GABBR1: variants seen among roughly 807,000 people sequenced by gnomAD.
GABBR1 encodes gamma-aminobutyric acid type B receptor subunit 1, also known as GABA-B receptor, R1 subunit.
Under a neutral mutation model 117.7 loss-of-function variants are expected in GABBR1, and 35 were observed. The ratio of observed to expected loss-of-function variants is 0.30; its 90% CI spans 0.23 to 0.39. The LOEUF is 0.39. Among genes scored for constraint, GABBR1 ranks in the 10% least tolerant of loss-of-function variants. The probability of loss-of-function intolerance (pLI) is 1.00; values close to 1 mark genes in which losing one functional copy is unlikely to be tolerated. For synonymous variants in GABBR1, 442 were observed against 486.6 expected (o/e 0.91, Z 1.21); for missense variants, 709 against 1,241.8 (o/e 0.57, Z 6.45).
In GABBR1 at chr6:29,605,455, T is replaced by A; in HGVS notation, c.2439+114A>T. 3.8e-6 allele frequency: 5 copies of A among 1,314,708 alleles called. No individual in the cohort carries two copies. Among genetic ancestry groups the A allele is most frequent in the Non-Finnish European group, 5.2e-6 (5 of 952,916 alleles). The allele number at this position is 1,314,708 out of a possible 1,614,324, so 81.4% of individuals were successfully genotyped here. ...TTATAGACCTGAAGAATTAACAAAC[T>A]TTTTAAGACTTCTAAGCAACCGATC... On this transcript the variant is annotated intron_variant, in intron 20 of 22. Transcript: ENST00000377034. This position sits in a 1 kb window ranked among gnomAD's most constrained non-coding sequence, Gnocchi z 4.2.
At position 29,610,992 on chromosome 6, in the gene GABBR1, T is replaced by C; in HGVS notation, c.1640A>G (p.Tyr547Cys). 1 of 1,612,948 alleles carries C rather than the reference T, an allele frequency of 6.2e-7. No homozygotes were observed. The highest frequency in any genetic ancestry group is 8.5e-7 in the Non-Finnish European group (1 of 1,179,904). Residue 547 changes from tyrosine (Y) to cysteine (C), a missense_variant, in exon 14 of 23, where the codon TAC becomes TGC. Tyr to Cys is a radical substitution (Grantham distance 194). Transcript: ENST00000377034. ...TLIEQLQGGSYKKIGYYDSTK... is the reference protein window; with the variant it reads ...TLIEQLQGGSCKKIGYYDSTK... ...GCTGTCATAGTAGCCAATCTTCTTG[T>C]AGCTGCCACCTGGGCAGACGACAAT...
At position 29,623,537 on chromosome 6, in the gene GABBR1, A is replaced by G; in HGVS notation, c.793-62T>C. On this transcript the variant is annotated intron_variant, in intron 7 of 22. Transcript: ENST00000377034. The surrounding 1 kb of genome is among the most constrained non-coding windows in gnomAD (Gnocchi z 6.2). ...TCACTGAGGACACCAAGAGTGGCCA[A>G]GAGTTCCTTTAACCCTCTTCCTGCC... The G allele has an allele frequency of 6.5e-7, 1 of 1,531,312 alleles. No homozygotes were observed. Among genetic ancestry groups the G allele is most frequent in the Admixed American group, 1.8e-5 (1 of 56,984 alleles). 94.9% of individuals were successfully genotyped at this position (1,531,312 alleles called of 1,614,324 possible).
chr6:29,613,111 T>A lies in GABBR1; in HGVS notation c.1566+132A>T. ...TTCTTCTAATTTGAAGGTCCCTACT[T>A]CTCTGGTCGGAGACTGATTCTGCAA... On this transcript the variant is annotated intron_variant, in intron 12 of 22. Coordinates refer to ENST00000377034, the MANE Select transcript of GABBR1 (RefSeq NM_001470.4). The surrounding 1 kb of genome is among the most constrained non-coding windows in gnomAD (Gnocchi z 4.1). 2.0e-6 allele frequency: 2 copies of A among 995,522 alleles called. No individual in the cohort carries two copies. The highest frequency in any genetic ancestry group is 3.0e-6 in the Non-Finnish European group (2 of 660,596). 61.7% of individuals were successfully genotyped at this position (995,522 alleles called of 1,614,324 possible). A position where few individuals can be genotyped will look rare whatever the true frequency, so the allele number is the denominator to read the frequency against.
In GABBR1 at chr6:29,632,421, C is replaced by A. The variant is rs1239831203; in HGVS notation, c.1-36G>T. 1.5e-6 allele frequency: 2 copies of A among 1,329,206 alleles called. No individual in the cohort carries two copies. Among genetic ancestry groups the A allele is most frequent in the African/African-American group, 1.5e-5 (1 of 64,608 alleles). 82.3% of individuals were successfully genotyped at this position (1,329,206 alleles called of 1,614,324 possible). A position where few individuals can be genotyped will look rare whatever the true frequency, so the allele number is the denominator to read the frequency against. On this transcript the variant is annotated intron_variant, in intron 1 of 22. Transcript: ENST00000377034. The surrounding 1 kb of genome is among the most constrained non-coding windows in gnomAD (Gnocchi z 5.8). ...GGCGGCCATGAGGACTGGACCGAGC[C>A]CCGCCGGCGCGGCCCGCACCCGGAG...
At position 29,632,584 on chromosome 6, in the gene GABBR1, CCCT is replaced by C; in HGVS notation, c.1-202_1-200del. On this transcript the variant is annotated intron_variant, in intron 1 of 22. Coordinates refer to ENST00000377034, the MANE Select transcript of GABBR1 (RefSeq NM_001470.4). This position sits in a 1 kb window ranked among gnomAD's most constrained non-coding sequence, Gnocchi z 5.8. ...GAGGAGGAGAGAAAGCCTGTCCCCA[CCCT>C]CCTCCTGCCTCCCTCGGCCCCCAAC... The C allele has an allele frequency of 9.6e-7, 1 of 1,046,568 alleles. No homozygotes were observed. The highest frequency in any genetic ancestry group is 1.3e-6 in the Non-Finnish European group (1 of 755,380). 64.8% of individuals were successfully genotyped at this position (1,046,568 alleles called of 1,614,324 possible). A position where few individuals can be genotyped will look rare whatever the true frequency, so the allele number is the denominator to read the frequency against.
In GABBR1 at chr6:29,608,541, T is replaced by C. The variant is rs938221156; in HGVS notation, c.1992+60A>G. ...GCAGAGAATCATAAATCATGGAAGG[T>C]GCTCCTGAGACGGGTGGGAGAGTCA... On this transcript the variant is annotated intron_variant, in intron 16 of 22. Coordinates refer to ENST00000377034, the MANE Select transcript of GABBR1 (RefSeq NM_001470.4). 3.2e-5 allele frequency: 49 copies of C among 1,551,618 alleles called. No individual in the cohort carries two copies. The African/African-American group carries it at 5.6e-4, about 18-fold the overall frequency.
At chr6:29,612,676 C>CCCTG in intron 12 of GABBR1, 62 bp from the exon 13 acceptor site, 3 of 1,339,872 alleles carry the variant, frequency 2.2e-6, no homozygotes, top group South Asian at 1.2e-5. Flanking sequence ...AAGAGAACAT[C>CCCTG]AGGGACTCTT....
rs29221 is a variant in GABBR1 at position 29,621,347 on chromosome 6, C to G, written c.1132-55G>C. 0.25 allele frequency: 353,581 copies of G among 1,429,068 alleles called. 44,902 individuals are homozygous for G. The highest frequency in any genetic ancestry group is 0.31 in the South Asian group (24,639 of 80,680). The allele number at this position is 1,429,068 out of a possible 1,614,324, so 88.5% of individuals were successfully genotyped here. On this transcript the variant is annotated intron_variant, in intron 10 of 22. Coordinates refer to ENST00000377034, the MANE Select transcript of GABBR1 (RefSeq NM_001470.4). The surrounding 1 kb of genome is among the most constrained non-coding windows in gnomAD (Gnocchi z 5.0). ...TGTTTGCTCATTTGTTTGTTTTTGT[C>G]TTATCTCACTTGATACTATTTAGCC...
Position 29,606,130 on chromosome 6 carries a change from AC to A in GABBR1, c.2311+260del, listed in dbSNP as rs370048135. The A allele has an allele frequency of 1.7e-3, 933 of 558,920 alleles. 7 individuals carry two copies. The highest frequency in any genetic ancestry group is 0.012 in the Middle Eastern group (26 of 2,130). The allele number at this position is 558,920 out of a possible 1,614,324, so 34.6% of individuals were successfully genotyped here. On this transcript the variant is annotated intron_variant, in intron 19 of 22. Coordinates refer to ENST00000377034, the MANE Select transcript of GABBR1 (RefSeq NM_001470.4). The surrounding 1 kb of genome is among the most constrained non-coding windows in gnomAD (Gnocchi z 4.5). ...TAATGTCAAGTCTGGAGGTGGGGTT[AC>A]CCCCACTTGTTCCTCTGCTGAACAC...
chr6:29,618,941 T>C (rs1763462242), intron 11 of GABBR1, among the ~76,000 whole-genome samples: 1 of 152,156 alleles, frequency 6.6e-6, no homozygotes, highest in Admixed American at 6.5e-5. Context: ...CCAGATAGTA[T>C]AGCGTCTGAG....
Position 29,605,761 on chromosome 6 carries a change from C to T in GABBR1, c.2312-65G>A. The T allele has an allele frequency of 6.4e-7, 1 of 1,570,788 alleles. No individual in the cohort carries two copies. Among genetic ancestry groups the T allele is most frequent in the Admixed American group, 1.7e-5 (1 of 58,072 alleles). ...ACAATGCTCCTCACTCAATCCCCAT[C>T]CCCTCTCTGCCCTTCACCTACTCTG... On this transcript the variant is annotated intron_variant, in intron 19 of 22. Coordinates refer to ENST00000377034, the MANE Select transcript of GABBR1 (RefSeq NM_001470.4). This position sits in a 1 kb window ranked among gnomAD's most constrained non-coding sequence, Gnocchi z 4.2.
chr6:29,608,812 C>T (rs555708553), intron 15 of GABBR1, 79 bp from the exon 16 acceptor site: 23 of 1,486,990 alleles, frequency 1.5e-5, no homozygotes, highest in South Asian at 3.7e-5. Flanking sequence ...CCAAATACCA[C>T]GCAATGGCAT....
In GABBR1 at chr6:29,630,556, C is replaced by A. The variant is rs767790229; in HGVS notation, c.377G>T (p.Arg126Leu). 2 of 1,613,058 alleles carry A rather than the reference C, an allele frequency of 1.2e-6. No homozygotes were observed. The highest frequency in any genetic ancestry group is 8.5e-7 in the Non-Finnish European group (1 of 1,180,026). The change falls in exon 4 of 23, where the codon CGG becomes CTG. Residue 126 changes from arginine (R) to leucine (L), a missense_variant. Arg to Leu is a moderately radical substitution (Grantham distance 102). This residue lies in a region of GABBR1 where 101 missense variants were observed against 132.3 expected (regional missense o/e 0.76). Transcript: ENST00000377034. This position sits in a 1 kb window ranked among gnomAD's most constrained non-coding sequence, Gnocchi z 4.9. ...GGDLPALDGARVDFRCDPDFH... is the reference protein window; with the variant it reads ...GGDLPALDGALVDFRCDPDFH... ...GTCGGGGTCACACCGGAAATCCACC[C>A]GGGCTCCGTCCAGAGCTGGGAGGTC...
chr6:29,631,913 T>C lies in GABBR1; in HGVS notation c.86-314A>G, dbSNP rs913009615. Among the ~76,000 whole-genome samples, 1 of 150,202 alleles carries C rather than the reference T, an allele frequency of 6.7e-6. No individual in the cohort carries two copies. Among genetic ancestry groups the C allele is most frequent in the African/African-American group, 2.5e-5 (1 of 40,788 alleles). On this transcript the variant is annotated intron_variant, in intron 2 of 22. Coordinates refer to ENST00000377034, the MANE Select transcript of GABBR1 (RefSeq NM_001470.4). This position sits in a 1 kb window ranked among gnomAD's most constrained non-coding sequence, Gnocchi z 5.9. ...ATGATATGTGGGTGGAGCTTTTCTT[T>C]AAAAAAAAAGGCTAAATGAGGATAT...
chr6:29,614,789 T>C (rs1762896667), intron 11 of GABBR1, among the ~76,000 whole-genome samples: 1 of 152,164 alleles, frequency 6.6e-6, no homozygotes, highest in Non-Finnish European at 1.5e-5. Context: ...ATAGAATATA[T>C]AACACCAAGG....
Position 29,631,729 on chromosome 6 carries a change from G to A in GABBR1, c.86-130C>T, listed in dbSNP as rs1422979038. The A allele has an allele frequency of 2.8e-6, 2 of 725,780 alleles. No homozygotes were observed. The highest frequency in any genetic ancestry group is 3.5e-5 in the African/African-American group (2 of 57,418). 45.0% of individuals were successfully genotyped at this position (725,780 alleles called of 1,614,324 possible). ...GGCTGGGGACAGAGGAAGAGGGATGGGGCACTAGAGGGTGGGAGTGGGGAC... is the reference window on the plus strand; with the variant it reads ...GGCTGGGGACAGAGGAAGAGGGATGAGGCACTAGAGGGTGGGAGTGGGGAC... On this transcript the variant is annotated intron_variant, in intron 2 of 22. Transcript: ENST00000377034. The surrounding 1 kb of genome is among the most constrained non-coding windows in gnomAD (Gnocchi z 5.9).
At position 29,621,425 on chromosome 6, in the gene GABBR1, T is replaced by C; in HGVS notation, c.1132-133A>G. 2 of 742,112 alleles carry C rather than the reference T, an allele frequency of 2.7e-6. No homozygotes were observed. The highest frequency in any genetic ancestry group is 3.8e-5 in the South Asian group (2 of 52,684). 46.0% of individuals were successfully genotyped at this position (742,112 alleles called of 1,614,324 possible). ...ACTAAAAAGAGAAATCTACAAGTCT[T>C]GGGGATAGTAGGAAAGGCTGACAAT... On this transcript the variant is annotated intron_variant, in intron 10 of 22. Coordinates refer to ENST00000377034, the MANE Select transcript of GABBR1 (RefSeq NM_001470.4). This position sits in a 1 kb window ranked among gnomAD's most constrained non-coding sequence, Gnocchi z 5.0.
chr6:29,631,580 C>T lies in GABBR1; in HGVS notation c.105G>A (p.Pro35=). 1 of 1,614,020 alleles carries T rather than the reference C, an allele frequency of 6.2e-7. No individual in the cohort carries two copies. Among genetic ancestry groups the T allele is most frequent in the Non-Finnish European group, 8.5e-7 (1 of 1,179,964 alleles). The change falls in exon 3 of 23, where the codon CCG becomes CCA. Residue 35 remains proline (P), a synonymous_variant. Transcript: ENST00000377034. This position sits in a 1 kb window ranked among gnomAD's most constrained non-coding sequence, Gnocchi z 5.9. ...ATSEGCQIIH[P]PWEGGIRYRG... ...GGTACCTGATGCCCCCTTCCCAGGG[C>T]GGGTGTATGATCTGGCAACCTAAGG...
Position 29,627,922 on chromosome 6 carries a change from G to A in GABBR1, c.497-276C>T. Reference sequence around the variant, plus strand: ...GATTTTGTGGGGAGGAGGGGGCGAGGGCCCCGGAGAAGCAGGGAAGGTTGG... The same window carrying A: ...GATTTTGTGGGGAGGAGGGGGCGAGAGCCCCGGAGAAGCAGGGAAGGTTGG... On this transcript the variant is annotated intron_variant, in intron 5 of 22. Transcript: ENST00000377034. The surrounding 1 kb of genome is among the most constrained non-coding windows in gnomAD (Gnocchi z 4.4). The A allele has an allele frequency of 8.1e-6, 11 of 1,358,452 alleles. No individual in the cohort carries two copies. Among genetic ancestry groups the A allele is most frequent in the Non-Finnish European group, 1.0e-5 (11 of 1,064,390 alleles). The allele number at this position is 1,358,452 out of a possible 1,614,324, so 84.1% of individuals were successfully genotyped here.
Sources: gnomAD v4.1 joint callset for allele counts (sites outside exome capture counted in the v4.1 genomes callset) on GRCh38, gnomAD v4.1.1 for gene constraint, gnomAD v4.1.1 regional missense constraint, Gnocchi (gnomAD v3.1) non-coding constraint, MANE v1.5 for transcripts, NCBI Gene and HGNC (gene_info 2026-07-23, HGNC 2026-07-21) for gene names.